Variants in TENM4 observed in about 807,000 individuals in gnomAD.
TENM4 encodes teneurin-4.
A neutral mutation model predicts 243.3 loss-of-function variants in TENM4; 82 were observed. The observed-to-expected ratio is 0.34, with a 90% CI of 0.28 to 0.40. The LOEUF (loss-of-function observed/expected upper bound fraction) is 0.40, where lower values mean the gene tolerates loss of function less well. Among genes scored for constraint, TENM4 ranks in the 10% least tolerant of loss-of-function variants. The pLI, the probability that TENM4 is intolerant of heterozygous loss-of-function variation, is 1.00. For synonymous variants in TENM4, 1,412 were observed against 1,456.3 expected (o/e 0.97, Z 0.69); for missense variants, 3,138 against 3,673.3 (o/e 0.85, Z 3.77).
intron 3 of TENM4, among the ~76,000 whole-genome samples, chr11:79,159,709 G>A (rs1188646608): frequency 1.3e-5 from 2 of 152,090 alleles, no homozygotes; most frequent in Non-Finnish European, 2.9e-5. Flanking sequence ...GCTGCCGATC[G>A]CATCTGTCCA....
At chr11:78,693,374 T>C (rs683420) in intron 28 of TENM4, among the ~76,000 whole-genome samples, 8,831 of 152,246 alleles carry the variant, frequency 0.058, 377 homozygotes, top group African/African-American at 0.12. Context: ...TAGAGGAATA[T>C]AAATTCAAAG....
At chr11:79,024,783 A>G (rs533810678) in intron 6 of TENM4, among the ~76,000 whole-genome samples, 3 of 152,310 alleles carry the variant, frequency 2.0e-5, no homozygotes, top group East Asian at 1.9e-4. Context: ...GTTCACCTTG[A>G]GCAATACTGA....
At chr11:79,091,140 T>G (rs1445368270) in intron 4 of TENM4, among the ~76,000 whole-genome samples, 1 of 152,228 alleles carries the variant, frequency 6.6e-6, no homozygotes, top group African/African-American at 2.4e-5. Flanking sequence ...ATTCACATAT[T>G]GGGCTTCCAT....
At chr11:78,813,239 C>T (rs1355013270) in intron 13 of TENM4, among the ~76,000 whole-genome samples, 2 of 152,298 alleles carry the variant, frequency 1.3e-5, no homozygotes, top group East Asian at 3.9e-4. Context: ...GTGTAGTTCA[C>T]GCAGCCTGGA....
chr11:78,879,661 C>T (rs1303883093), intron 9 of TENM4, among the ~76,000 whole-genome samples: 16 of 146,812 alleles, frequency 1.1e-4, no homozygotes, highest in African/African-American at 3.5e-4. Flanking sequence ...GCCGCCACAC[C>T]GTCTGGGAGG....
chr11:78,819,305 A>T (rs996798359), intron 12 of TENM4, among the ~76,000 whole-genome samples: 1 of 152,214 alleles, frequency 6.6e-6, no homozygotes, highest in African/African-American at 2.4e-5. Flanking sequence ...ATCACAGCTG[A>T]TAACTAAGTT....
At chr11:79,307,844 G>A in intron 1 of TENM4, among the ~76,000 whole-genome samples, 1 of 152,190 alleles carries the variant, frequency 6.6e-6, no homozygotes, top group East Asian at 1.9e-4. Flanking sequence ...AGAGGATATG[G>A]AGACCTAGAG....
intron 6 of TENM4, among the ~76,000 whole-genome samples, chr11:78,919,564 G>A (rs1455327643): frequency 6.6e-6 from 1 of 152,154 alleles, no homozygotes; most frequent in Non-Finnish European, 1.5e-5. Context: ...TTGGTTACAA[G>A]GCTGGTAGTA....
chr11:78,787,164 G>C, intron 15 of TENM4, 81 bp from the exon 16 acceptor site: 1 of 1,420,072 alleles, frequency 7.0e-7, no homozygotes, highest in Non-Finnish European at 9.4e-7. Context: ...AGAGAGGAGA[G>C]AGAAAAACAA....
intron 1 of TENM4, among the ~76,000 whole-genome samples, chr11:79,334,941 T>C (rs1857123893): frequency 6.6e-6 from 1 of 152,230 alleles, no homozygotes; most frequent in Admixed American, 6.5e-5. Context: ...TCCTGCATCA[T>C]ACCGTGCCCT....
intron 30 of TENM4, among the ~76,000 whole-genome samples, chr11:78,675,728 A>G (rs913514574): frequency 6.6e-5 from 10 of 152,228 alleles, no homozygotes; most frequent in African/African-American, 2.4e-4. Context: ...AATAATGGTA[A>G]TAAATCATAA....
chr11:79,226,616 A>G (rs753656756), intron 2 of TENM4, among the ~76,000 whole-genome samples: 2 of 152,210 alleles, frequency 1.3e-5, no homozygotes, highest in African/African-American at 2.4e-5. Flanking sequence ...CAGAATCATT[A>G]TACCTTGATG....
chr11:78,947,138 G>A (rs183760467), intron 6 of TENM4, among the ~76,000 whole-genome samples: 122 of 152,276 alleles, frequency 8.0e-4, no homozygotes, highest in African/African-American at 2.7e-3. Flanking sequence ...AGGAAGAATC[G>A]ATACATGAGG....
chr11:79,137,633 CTTTT>C (rs1862136335), intron 4 of TENM4, among the ~76,000 whole-genome samples: 1 of 152,142 alleles, frequency 6.6e-6, no homozygotes, highest in African/African-American at 2.4e-5. Flanking sequence ...TTTCCTCTTT[CTTTT>C]GTTAAAAACA....
At chr11:79,067,783 G>A (rs1249812359) in intron 5 of TENM4, 1 of 152,070 alleles carries the variant, frequency 6.6e-6, no homozygotes, top group East Asian at 1.9e-4. Flanking sequence ...GTCCTTTTTG[G>A]CCTCTTTTCT....
At chr11:79,200,487 GGC>G (rs1161679518) in intron 3 of TENM4, among the ~76,000 whole-genome samples, 2 of 152,214 alleles carry the variant, frequency 1.3e-5, no homozygotes, top group Non-Finnish European at 2.9e-5. Context: ...GAGCAAACTT[GGC>G]CCAGGAAGGG....
At chr11:78,836,394 GC>G (rs1378476392) in intron 12 of TENM4, among the ~76,000 whole-genome samples, 1 of 152,146 alleles carries the variant, frequency 6.6e-6, no homozygotes, top group Non-Finnish European at 1.5e-5. Context: ...TCAGAAAAGA[GC>G]CTTAATTTTT....
chr11:78,787,091 G>A lies in TENM4; in HGVS notation c.2180-8C>T, dbSNP rs1274658975. ...AGTCGGCAGCACAGATCTCTGTGGG[G>A]AGGAGCAGAAGAAGGGAGGACACCA... On this transcript the variant is annotated splice_polypyrimidine_tract_variant and splice_region_variant and intron_variant, in intron 15 of 33. Coordinates refer to ENST00000278550, the MANE Select transcript of TENM4 (RefSeq NM_001098816.3). The A allele has an allele frequency of 3.3e-6, 5 of 1,537,730 alleles. No individual in the cohort carries two copies. The East Asian group carries it at 1.2e-4, about 38-fold the overall frequency.
intron 1 of TENM4, among the ~76,000 whole-genome samples, chr11:79,335,453 T>C (rs909426418): frequency 2.6e-5 from 4 of 152,194 alleles, no homozygotes; most frequent in Admixed American, 6.5e-5. Context: ...AACTAAGAAA[T>C]GGCTGTATCT....
Sources: gnomAD v4.1 joint callset for allele counts (sites outside exome capture counted in the v4.1 genomes callset) on GRCh38, gnomAD v4.1.1 for gene constraint, MANE v1.5 for transcripts, NCBI Gene and HGNC (gene_info 2026-07-23, HGNC 2026-07-21) for gene names.